ATR: variants seen among roughly 807,000 people sequenced by gnomAD.
ATR encodes serine/threonine-protein kinase ATR.
Under a neutral mutation model 305.3 loss-of-function variants are expected in ATR, and 142 were observed. That is an observed-to-expected ratio of 0.47 (90% CI 0.41 to 0.53). The LOEUF (loss-of-function observed/expected upper bound fraction) is 0.53, where lower values mean the gene tolerates loss of function less well. ATR is among the 20% of genes least tolerant of loss of function. ATR has a pLI of 0.00. For synonymous variants in ATR, 1,050 were observed against 1,068.1 expected (o/e 0.98, Z 0.33); for missense variants, 2,135 against 3,133.1 (o/e 0.68, Z 7.60).
intron 21 of ATR, among the ~76,000 whole-genome samples, chr3:142,525,240 T>G (rs1049859901): frequency 1.8e-4 from 28 of 152,194 alleles, no homozygotes; most frequent in Admixed American, 5.2e-4. Flanking sequence ...CCTCCTATTG[T>G]TTCCCACTGG....
intron 1 of ATR, among the ~76,000 whole-genome samples, chr3:142,571,230 G>A (rs1421215068): frequency 6.6e-6 from 1 of 152,156 alleles, no homozygotes; most frequent in Non-Finnish European, 1.5e-5. Flanking sequence ...CATTTTGGGA[G>A]GCTAAGGCAG....
At chr3:142,566,051 T>C (rs763371194) in intron 3 of ATR, 70 bp downstream of exon 3, 171 of 1,594,672 alleles carry the variant, frequency 1.1e-4, no homozygotes, top group Non-Finnish European at 1.4e-4. Flanking sequence ...CATGTAATAT[T>C]TCAGAAGAGC....
chr3:142,470,228 T>C (rs201078104), intron 36 of ATR, 45 bp from the exon 37 acceptor site: 12 of 1,424,792 alleles, frequency 8.4e-6, no homozygotes, highest in Non-Finnish European at 1.1e-5. Context: ...AGCTGTCATT[T>C]TTATATTATA....
At chr3:142,459,189 T>G (rs1011313917) in intron 43 of ATR, 38 bp downstream of exon 43, 33 of 1,613,258 alleles carry the variant, frequency 2.0e-5, no homozygotes, top group Non-Finnish European at 2.8e-5. Flanking sequence ...AAAATAAACA[T>G]TCAACCATAA....
chr3:142,499,598 A>G, intron 31 of ATR, 29 bp downstream of exon 31: 1 of 1,607,526 alleles, frequency 6.2e-7, no homozygotes, highest in Non-Finnish European at 8.5e-7. Flanking sequence ...CCATCCTAAA[A>G]CTGCTTATAT....
At chr3:142,497,734 A>T (rs917444007) in intron 32 of ATR, among the ~76,000 whole-genome samples, 2 of 152,180 alleles carry the variant, frequency 1.3e-5, no homozygotes, top group African/African-American at 4.8e-5. Context: ...ACCTAAATGA[A>T]GATAAAAGAA....
At chr3:142,478,763 C>T (rs1310413551) in intron 36 of ATR, among the ~76,000 whole-genome samples, 1 of 152,184 alleles carries the variant, frequency 6.6e-6, no homozygotes, top group Non-Finnish European at 1.5e-5. Context: ...CTTTATGAAT[C>T]TGGGTGCTCC....
At chr3:142,481,513 A>C (rs182442905) in intron 36 of ATR, among the ~76,000 whole-genome samples, 63 of 152,338 alleles carry the variant, frequency 4.1e-4, no homozygotes, top group Non-Finnish European at 2.1e-4. Context: ...AAAGAAGTAC[A>C]CTTTTGAAAT....
intron 36 of ATR, among the ~76,000 whole-genome samples, chr3:142,473,314 T>C (rs1021921309): frequency 1.3e-5 from 2 of 152,198 alleles, no homozygotes; most frequent in East Asian, 1.9e-4. Context: ...TTCTATTGCA[T>C]GTGGACATCC....
rs759323212 is a variant in ATR, at chr3:142,536,109, T to C, written c.3818A>G (p.Lys1273Arg). The change falls in exon 20 of 47, where the codon AAG (lysine) becomes AGG (arginine). Residue 1273 changes from lysine (K) to arginine (R), a missense_variant and splice_region_variant. Physicochemically the swap from Lys to Arg is conservative, Grantham distance 26. Transcript: ENST00000350721. ...AACCACAAATTAAAAATTAAATACC[T>C]TTCTGTATTCCTGGAGAACGGCTTT... ...KIKAVLQEYR[K>R]ETSESTDLQT... is the part of the protein sequence containing the mutation. 3 of 1,553,800 alleles carry C rather than the reference T, an allele frequency of 1.9e-6. No individual in the cohort carries two copies. Among genetic ancestry groups the C allele is most frequent in the South Asian group, 2.2e-5 (2 of 89,634 alleles).
At chr3:142,471,601 T>A (rs1286695458) in intron 36 of ATR, among the ~76,000 whole-genome samples, 1 of 152,212 alleles carries the variant, frequency 6.6e-6, no homozygotes, top group East Asian at 1.9e-4. Flanking sequence ...TTTTTGTTTT[T>A]AAACATTTCA....
chr3:142,562,769 C>A lies in ATR; in HGVS notation c.633G>T (p.Met211Ile). The change falls in exon 4 of 47, where the codon ATG becomes ATT. Residue 211 changes from methionine to isoleucine, a missense_variant. By Grantham distance (10) the Met-to-Ile change is conservative (BLOSUM62 1). Coordinates refer to ENST00000350721, the MANE Select transcript of ATR (RefSeq NM_001184.4). ...CAATTGCAATAATACGAGTAAGAAC[C>A]ATTAATAAAGTGACTTCAATAAATT... ...NLEFIEVTLL[M>I]VLTRIIAIVF... is the part of the protein sequence containing the mutation. The A allele has an allele frequency of 1.2e-6, 2 of 1,610,344 alleles. No individual in the cohort carries two copies. Among genetic ancestry groups the A allele is most frequent in the East Asian group, 4.5e-5 (2 of 44,862 alleles).
chr3:142,557,866 C>A (rs1055222413), intron 8 of ATR, among the ~76,000 whole-genome samples: 2 of 152,190 alleles, frequency 1.3e-5, no homozygotes, highest in African/African-American at 4.8e-5. Flanking sequence ...CTCCTGACCT[C>A]AAGAGATCCG....
At chr3:142,457,889 G>T in intron 44 of ATR, 134 bp from the exon 45 acceptor site, 4 of 1,044,752 alleles carry the variant, frequency 3.8e-6, no homozygotes, top group Non-Finnish European at 5.5e-6. Flanking sequence ...AATTACTTTA[G>T]AAGTTTGTAA....
intron 35 of ATR, among the ~76,000 whole-genome samples, chr3:142,492,160 G>C (rs892406544): frequency 1.3e-5 from 2 of 152,130 alleles, no homozygotes; most frequent in Non-Finnish European, 2.9e-5. Context: ...TGGATATAGA[G>C]TAGTTTTTAG....
At chr3:142,539,134 C>G (rs2033964500) in intron 18 of ATR, among the ~76,000 whole-genome samples, 1 of 152,148 alleles carries the variant, frequency 6.6e-6, no homozygotes, top group South Asian at 2.1e-4. Context: ...AAAATAAGTA[C>G]TTCACGTGAT....
intron 1 of ATR, among the ~76,000 whole-genome samples, 188 bp downstream of exon 1, chr3:142,578,458 G>A (rs900842443): frequency 1.3e-5 from 2 of 152,218 alleles, no homozygotes; most frequent in Admixed American, 1.3e-4. Context: ...TGTGGCGACT[G>A]CCCCATGTGC....
At chr3:142,565,324 A>G (rs2035029661) in intron 3 of ATR, among the ~76,000 whole-genome samples, 1 of 152,238 alleles carries the variant, frequency 6.6e-6, no homozygotes, top group South Asian at 2.1e-4. Context: ...AAGTTGAGTT[A>G]AAGTTTGAAC....
At chr3:142,537,440 C>A (rs979082144) in intron 19 of ATR, among the ~76,000 whole-genome samples, 1 of 151,972 alleles carries the variant, frequency 6.6e-6, no homozygotes, top group African/African-American at 2.4e-5. Context: ...CAATAAACAG[C>A]AAAGACATGA....
Sources: allele counts gnomAD v4.1 joint callset (sites outside exome capture counted in the v4.1 genomes callset), GRCh38; gene constraint gnomAD v4.1.1; transcripts MANE v1.5; gene names NCBI Gene and HGNC (gene_info 2026-07-23, HGNC 2026-07-21).